The following UNC13A variants were observed in gnomAD, a reference collection of about 807,000 sequenced individuals.
UNC13A encodes unc-13 homolog A.
A neutral mutation model predicts 219.7 loss-of-function variants in UNC13A; 61 were observed. The observed-to-expected ratio is 0.28, with a 90% CI of 0.23 to 0.34. UNC13A has a LOEUF of 0.34. Among genes scored for constraint, UNC13A ranks in the 10% least tolerant of loss-of-function variants. UNC13A has a pLI of 1.00. For missense variants in UNC13A, 1,476 were observed against 2,270.3 expected (o/e 0.65, Z 7.11); for synonymous variants, 920 against 884.6 (o/e 1.04, Z -0.71).
Position 17,630,673 on chromosome 19 carries a change from T to G in UNC13A, c.3506A>C (p.Glu1169Ala). The G allele has an allele frequency of 2.5e-6, 4 of 1,613,946 alleles. No homozygotes were observed. The highest frequency in any genetic ancestry group is 3.4e-6 in the Non-Finnish European group (4 of 1,179,880). The change falls in exon 29 of 44, where the codon GAG becomes GCG. Residue 1169 changes from glutamate (E) to alanine (A), a missense_variant. Glu to Ala is a moderately radical substitution (Grantham distance 107). This residue lies in a region of UNC13A where 218 missense variants were observed against 409.4 expected (regional missense o/e 0.53). Coordinates refer to ENST00000519716, the MANE Select transcript of UNC13A (RefSeq NM_001080421.3). ...TCTTACCCCATCCTTCTTGTCTCGC[T>G]CCAGGGCACCGTGCAGGAAATCCCG... ...VSRDFLHGAL[E>A]RDKKDGFQQT...
At chr19:17,679,191 G>A (rs535348056) in intron 1 of UNC13A, among the ~76,000 whole-genome samples, 1 of 152,050 alleles carries the variant, frequency 6.6e-6, no homozygotes, top group Admixed American at 6.6e-5. Context: ...CATGAGGTCA[G>A]GAGTTCGAGA....
intron 1 of UNC13A, among the ~76,000 whole-genome samples, chr19:17,687,787 T>C (rs2080142650): frequency 6.6e-6 from 1 of 151,480 alleles, no homozygotes; most frequent in Non-Finnish European, 1.5e-5. Context: ...ACCAGACCCC[T>C]TCCAAGCACC....
At position 17,605,948 on chromosome 19, in the gene UNC13A, C is replaced by G. The variant is rs936871633; in HGVS notation, c.*106G>C. ...GGCGCAGCCCACCCTTGGCGTGGAG[C>G]CCCCCGAGCCCCGCCCCTGGGGAGG... On this transcript the variant is annotated 3_prime_UTR_variant, in exon 44 of 44. Coordinates refer to ENST00000519716, the MANE Select transcript of UNC13A (RefSeq NM_001080421.3). 9.3e-6 allele frequency: 10 copies of G among 1,070,346 alleles called. No individual in the cohort carries two copies. Among genetic ancestry groups the G allele is most frequent in the East Asian group, 3.3e-5 (1 of 30,446 alleles). The allele number at this position is 1,070,346 out of a possible 1,614,324, so 66.3% of individuals were successfully genotyped here. A position where few individuals can be genotyped will look rare whatever the true frequency, so the allele number is the denominator to read the frequency against.
chr19:17,639,593 A>C lies in UNC13A; in HGVS notation c.2857-68T>G. 8 of 1,523,304 alleles carry C rather than the reference A, an allele frequency of 5.3e-6. No homozygotes were observed. The South Asian group carries it at 7.1e-5, about 14-fold the overall frequency. The allele number at this position is 1,523,304 out of a possible 1,614,324, so 94.4% of individuals were successfully genotyped here. On this transcript the variant is annotated intron_variant, in intron 23 of 43. Transcript: ENST00000519716. ...TGGGGAGGATGGGAGACTGCTTTTC[A>C]GGGGGATACAAAGGCTCCCCGGTTT...
At position 17,605,731 on chromosome 19, in the gene UNC13A, G is replaced by A. The variant is rs1568493689; in HGVS notation, c.*323C>T. ...TGGTGCCTCCCGGTACCAGAGCCCC[G>A]GGATGTGGCCTCCTCCATAGGGACG... On this transcript the variant is annotated 3_prime_UTR_variant, in exon 44 of 44. Transcript: ENST00000519716. 1.7e-5 allele frequency: 5 copies of A among 290,168 alleles called. No homozygotes were observed. Among genetic ancestry groups the A allele is most frequent in the Non-Finnish European group, 3.2e-5 (5 of 157,484 alleles). 18.0% of individuals were successfully genotyped at this position (290,168 alleles called of 1,614,324 possible).
chr19:17,685,499 G>T (rs1305130193), intron 1 of UNC13A, among the ~76,000 whole-genome samples: 7 of 152,114 alleles, frequency 4.6e-5, no homozygotes, highest in African/African-American at 1.7e-4. Flanking sequence ...GCGCTCGGCT[G>T]GACATGGGTG....
At chr19:17,645,009 C>CTT (rs3049769) in intron 19 of UNC13A, among the ~76,000 whole-genome samples, 50,426 of 126,382 alleles carry the variant, frequency 0.4, 10,415 homozygotes, top group East Asian at 0.57. Context: ...AGCCTGGATT[C>CTT]TTTTTTTTTT....
At chr19:17,687,651 C>A (rs964012405) in intron 1 of UNC13A, among the ~76,000 whole-genome samples, 2 of 152,084 alleles carry the variant, frequency 1.3e-5, no homozygotes, top group Admixed American at 1.3e-4. Context: ...CTCGTGGATG[C>A]CCTGATGGCC....
intron 31 of UNC13A, 108 bp downstream of exon 31, chr19:17,629,132 C>A (rs2144994525): frequency 1.1e-6 from 1 of 886,608 alleles, no homozygotes; most frequent in East Asian, 2.7e-5. Context: ...AGATCACACA[C>A]AGGTGGACAT....
In UNC13A at chr19:17,647,320, G is replaced by A. The variant is rs771664027; in HGVS notation, c.1989C>T (p.Val663=). The A allele has an allele frequency of 6.2e-7, 1 of 1,610,404 alleles. No homozygotes were observed. The highest frequency in any genetic ancestry group is 1.1e-5 in the South Asian group (1 of 90,474). The change falls in exon 17 of 44, where the codon GTC becomes GTT. Residue 663 remains valine (V), a synonymous_variant. Transcript: ENST00000519716. ...ACGTGCCGTCCAGCACGCTCTGCTT[G>A]ACCGCCTTCATCTGCTGCGTGTGCG... The part of the protein sequence containing the change: ...KTAHTQQMKA[V]KQSVLDGTSK...
At chr19:17,637,747 T>A (rs1275735523) in intron 25 of UNC13A, among the ~76,000 whole-genome samples, 1 of 149,010 alleles carries the variant, frequency 6.7e-6, no homozygotes, top group African/African-American at 2.5e-5. Flanking sequence ...CAACTGAATG[T>A]AAAGGAACAG....
intron 1 of UNC13A, among the ~76,000 whole-genome samples, chr19:17,682,815 C>A (rs2080043282): frequency 6.6e-6 from 1 of 152,090 alleles, no homozygotes; most frequent in African/African-American, 2.4e-5. Flanking sequence ...GTAATCCCAG[C>A]ACTTTGGGAG....
At chr19:17,648,845 TG>T in intron 15 of UNC13A, 66 bp downstream of exon 15, 1 of 1,544,990 alleles carries the variant, frequency 6.5e-7, no homozygotes, top group Non-Finnish European at 8.8e-7. Flanking sequence ...CACAGAGGCT[TG>T]GACAATTCCA....
At chr19:17,620,178 G>T (rs1158516844) in intron 38 of UNC13A, among the ~76,000 whole-genome samples, 1 of 152,164 alleles carries the variant, frequency 6.6e-6, no homozygotes, top group East Asian at 1.9e-4. Context: ...TTGGGGGACA[G>T]GGTGGGGCTG....
rs1410922101 is a variant in UNC13A at position 17,647,322 on chromosome 19, C to T, written c.1987G>A (p.Val663Ile). The T allele has an allele frequency of 6.2e-6, 10 of 1,610,590 alleles. No homozygotes were observed. The African/African-American group carries it at 1.2e-4, about 19-fold the overall frequency. ...GTGCCGTCCAGCACGCTCTGCTTGA[C>T]CGCCTTCATCTGCTGCGTGTGCGCC... Reference protein sequence around the residue: ...KTAHTQQMKAVKQSVLDGTSK... With the variant: ...KTAHTQQMKAIKQSVLDGTSK... The change falls in exon 17 of 44, where the codon GTC becomes ATC. Residue 663 changes from valine to isoleucine, a missense_variant. Transcript: ENST00000519716.
At chr19:17,669,706 C>T (rs1429015978) in intron 4 of UNC13A, 30 bp from the exon 5 acceptor site, 1 of 1,586,230 alleles carries the variant, frequency 6.3e-7, no homozygotes, top group East Asian at 2.3e-5. Context: ...GTGTGTGGGT[C>T]AGGAATCTGC....
At chr19:17,642,782 G>A (rs2076984263) in intron 20 of UNC13A, 63 bp downstream of exon 20, 2 of 1,397,628 alleles carry the variant, frequency 1.4e-6, no homozygotes, top group South Asian at 2.5e-5. Flanking sequence ...GAAAGAGGAA[G>A]AGCTGGGCAG....
At chr19:17,643,085 C>T (rs1309239315) in intron 19 of UNC13A, 125 bp from the exon 20 acceptor site, 6 of 649,688 alleles carry the variant, frequency 9.2e-6, no homozygotes, top group African/African-American at 1.8e-5. Flanking sequence ...GATCTCAGCT[C>T]ACTGCAACCT....
chr19:17,641,064 A>G (rs1357726822), intron 21 of UNC13A, among the ~76,000 whole-genome samples: 1 of 151,604 alleles, frequency 6.6e-6, no homozygotes, highest in Non-Finnish European at 1.5e-5. Context: ...TTTTTAGTAG[A>G]GATGGGGTTT....
Sources: gnomAD v4.1 joint callset for allele counts (sites outside exome capture counted in the v4.1 genomes callset) on GRCh38, gnomAD v4.1.1 for gene constraint, gnomAD v4.1.1 regional missense constraint, MANE v1.5 for transcripts, NCBI Gene and HGNC (gene_info 2026-07-23, HGNC 2026-07-21) for gene names.